Variants in CATSPERG observed in about 807,000 individuals in gnomAD.
The protein encoded by CATSPERG is catsper channel auxiliary subunit gamma.
Under a neutral mutation model 145.0 loss-of-function variants are expected in CATSPERG, and 115 were observed. That is an observed-to-expected ratio of 0.79 (90% confidence interval 0.68 to 0.93). The LOEUF (loss-of-function observed/expected upper bound fraction) is 0.93. CATSPERG is among the 40% of genes least tolerant of loss of function. The probability of loss-of-function intolerance (pLI) is 0.00; values close to 1 mark genes in which losing one functional copy is unlikely to be tolerated. For missense variants in CATSPERG, 1,296 were observed against 1,490.1 expected (o/e 0.87, Z 2.14); for synonymous variants, 588 against 589.0 (o/e 1.00, Z 0.02).
At chr19:38,353,978 A>G (rs2145087915) in intron 8 of CATSPERG, among the ~76,000 whole-genome samples, 2 of 139,906 alleles carry the variant, frequency 1.4e-5, no homozygotes, top group East Asian at 2.3e-4. Flanking sequence ...GCGACAGAGT[A>G]AGACTCTGTC....
intron 2 of CATSPERG, 29 bp downstream of exon 2, chr19:38,337,533 A>G: frequency 6.4e-7 from 1 of 1,551,970 alleles, no homozygotes. Context: ...AGTGAACCAG[A>G]GGGATTTTGA....
chr19:38,369,710 C>G, intron 26 of CATSPERG: 1 of 530,488 alleles, frequency 1.9e-6, no homozygotes, highest in South Asian at 2.0e-5. Flanking sequence ...GATACACAGC[C>G]TGTAATCTGG....
At chr19:38,356,400 A>C in intron 9 of CATSPERG, 84 bp from the exon 10 acceptor site, 1 of 1,226,758 alleles carries the variant, frequency 8.2e-7, no homozygotes, top group Non-Finnish European at 1.2e-6. Context: ...GCTGGTGGGC[A>C]TAAGGAGGGC....
At position 38,354,837 on chromosome 19, in the gene CATSPERG, G is replaced by A. The variant is rs1301517481; in HGVS notation, c.1125G>A (p.Gly375=). ...AGCATGAGGGTTATGTACACTTCGG[G>A]ACCATCAGAGGTAAGGGTGTGGGCC... ...TGKHEGYVHF[G]TIRDGQVSFE... is the part of the protein sequence containing the mutation. Residue 375 remains glycine, a synonymous_variant, in exon 9 of 29, where the codon GGG becomes GGA. Transcript: ENST00000409235. 1.2e-6 allele frequency: 2 copies of A among 1,613,914 alleles called. No homozygotes were observed. Among genetic ancestry groups the A allele is most frequent in the Non-Finnish European group, 1.7e-6 (2 of 1,179,988 alleles).
intron 11 of CATSPERG, among the ~76,000 whole-genome samples, 153 bp downstream of exon 11, chr19:38,357,014 A>T (rs548961894): frequency 6.6e-6 from 1 of 152,260 alleles, no homozygotes; most frequent in South Asian, 2.1e-4. Flanking sequence ...GGAGAACAGG[A>T]TATAGGCTTG....
rs760186203 is a variant in CATSPERG at position 38,362,194 on chromosome 19, C to T, written c.2095-16C>T. The T allele has an allele frequency of 3.2e-6, 5 of 1,574,386 alleles. No homozygotes were observed. Among genetic ancestry groups the T allele is most frequent in the Middle Eastern group, 2.0e-4 (1 of 5,044 alleles). On this transcript the variant is annotated splice_polypyrimidine_tract_variant and intron_variant, in intron 17 of 28. Coordinates refer to ENST00000409235, the MANE Select transcript of CATSPERG (RefSeq NM_021185.5). ...CCGCTGCCCAATCCCTTCACGGTGC[C>T]GGGCGATCCCTGCAGCCGTACGCGG...
In CATSPERG at chr19:38,346,526, T is replaced by C. The variant is rs780691154; in HGVS notation, c.746T>C (p.Val249Ala). ...TGGCACACTGTGGACCAGTCACCTG[T>C]GCTTATCCTGGGAGGCATTCCCAAT... ...PLWHTVDQSPVLILGGIPNEK... is the reference protein window; with the variant it reads ...PLWHTVDQSPALILGGIPNEK... Residue 249 changes from valine (V) to alanine (A), a missense_variant, in exon 7 of 29, where the codon GTG (valine) becomes GCG (alanine). Physicochemically the swap from Val to Ala is moderately conservative, Grantham distance 64. Transcript: ENST00000409235. 14 of 1,551,648 alleles carry C rather than the reference T, an allele frequency of 9.0e-6. No individual in the cohort carries two copies. The highest frequency in any genetic ancestry group is 5.2e-6 in the Non-Finnish European group (6 of 1,146,944).
Position 38,338,395 on chromosome 19 carries a change from G to A in CATSPERG, c.324+749G>A, listed in dbSNP as rs151202624. Among the ~76,000 whole-genome samples, 678 of 152,172 alleles carry A rather than the reference G, an allele frequency of 4.5e-3. 6 individuals carry two copies. The highest frequency in any genetic ancestry group is 0.015 in the African/African-American group (636 of 41,502). On this transcript the variant is annotated intron_variant, in intron 3 of 28. Transcript: ENST00000409235. ...GATCTCCTGACCTCGTGATCCGCCCGCCTCGGCCTCCTAGAGTGCTGGGAT... is the reference window on the plus strand; with the variant it reads ...GATCTCCTGACCTCGTGATCCGCCCACCTCGGCCTCCTAGAGTGCTGGGAT...
chr19:38,366,334 A>G (rs925832181), intron 22 of CATSPERG: 2 of 152,270 alleles, frequency 1.3e-5, no homozygotes, highest in African/African-American at 4.8e-5. Flanking sequence ...TGGGCAGTCA[A>G]AAGGGGTTGT....
chr19:38,337,285 AGTC>A lies in CATSPERG; in HGVS notation c.54_56del (p.Val19del). On this transcript the variant is annotated inframe_deletion, in exon 2 of 29. Coordinates refer to ENST00000409235, the MANE Select transcript of CATSPERG (RefSeq NM_021185.5). ...CCGGTCCTCCGTGGCCCAGAGTCCG[AGTC>A]GTGCAGGTGCTGTGGGCCCTGCTGG... 6.4e-7 allele frequency: 1 copy of A among 1,551,452 alleles called. No homozygotes were observed. Among genetic ancestry groups the A allele is most frequent in the African/African-American group, 1.4e-5 (1 of 73,144 alleles).
In CATSPERG at chr19:38,351,524, C is replaced by T. The variant is rs747989370; in HGVS notation, c.826-737C>T. On this transcript the variant is annotated intron_variant, in intron 7 of 28. Transcript: ENST00000409235. Reference sequence around the variant, plus strand: ...TCGGGAAGCTGAGGCAGGAGAATGGCGTGAACCCGGGAGGCGGAGCTTGCA... The same window carrying T: ...TCGGGAAGCTGAGGCAGGAGAATGGTGTGAACCCGGGAGGCGGAGCTTGCA... 3.0e-4 allele frequency among the ~76,000 whole-genome samples: 45 copies of T among 151,600 alleles called. 1 individual carries two copies. Among genetic ancestry groups the T allele is most frequent in the Admixed American group, 1.3e-4 (2 of 15,196 alleles).
intron 26 of CATSPERG, among the ~76,000 whole-genome samples, chr19:38,368,889 C>G (rs1022480016): frequency 2.0e-5 from 3 of 152,210 alleles, no homozygotes; most frequent in Non-Finnish European, 4.4e-5. Flanking sequence ...TCTTGAACTC[C>G]TGACCTCAGG....
Position 38,370,801 on chromosome 19 carries a change from C to T in CATSPERG, c.*9C>T, listed in dbSNP as rs773783287. On this transcript the variant is annotated 3_prime_UTR_variant, in exon 29 of 29. Transcript: ENST00000409235. Reference sequence around the variant, plus strand: ...GACAGTTGATGACCTGAGTGTCCCACCTGCCCCAGCCCCCAGTTACTGTCA... The same window carrying T: ...GACAGTTGATGACCTGAGTGTCCCATCTGCCCCAGCCCCCAGTTACTGTCA... The T allele has an allele frequency of 6.2e-7, 1 of 1,610,178 alleles. No homozygotes were observed. The highest frequency in any genetic ancestry group is 1.1e-5 in the South Asian group (1 of 91,038).
At chr19:38,354,968 G>A (rs1970217335) in intron 9 of CATSPERG, 121 bp downstream of exon 9, 6 of 1,136,926 alleles carry the variant, frequency 5.3e-6, no homozygotes, top group Non-Finnish European at 5.0e-6. Context: ...CTAGGCTGAG[G>A]GTGATGGTGG....
At position 38,346,464 on chromosome 19, in the gene CATSPERG, G is replaced by GC. The variant is rs1970043872; in HGVS notation, c.688dup (p.Gln230ProfsTer29). ...CTCCTTGGCAGCTCTTCAACCTGAT[G>GC]CCCCAGTACTTTGTGGGTGTCTCAT... is the stretch of plus-strand genomic sequence containing the variant. On this transcript the variant is annotated frameshift_variant, in exon 7 of 29. Transcript: ENST00000409235. LOFTEE classifies it high-confidence loss of function. 1 of 1,543,020 alleles carries GC rather than the reference G, an allele frequency of 6.5e-7. No homozygotes were observed. Among genetic ancestry groups the GC allele is most frequent in the African/African-American group, 1.4e-5 (1 of 72,886 alleles).
At chr19:38,355,294 G>A (rs112153627) in intron 9 of CATSPERG, among the ~76,000 whole-genome samples, 4 of 151,972 alleles carry the variant, frequency 2.6e-5, no homozygotes, top group African/African-American at 7.3e-5. Flanking sequence ...GCAGTGAGCC[G>A]AGATTGCACC....
intron 9 of CATSPERG, 133 bp from the exon 10 acceptor site, chr19:38,356,351 T>TG: frequency 1.4e-6 from 1 of 717,726 alleles, no homozygotes; most frequent in Non-Finnish European, 2.4e-6. Context: ...CAGGTGTGAG[T>TG]GACGAAAGGC....
intron 7 of CATSPERG, 114 bp from the exon 8 acceptor site, chr19:38,352,147 C>A: frequency 1.9e-6 from 2 of 1,036,382 alleles, no homozygotes; most frequent in Non-Finnish European, 2.8e-6. Context: ...CGCCCTGGGG[C>A]AGCTACATGT....
At position 38,365,118 on chromosome 19, in the gene CATSPERG, G is replaced by A. The variant is rs1456152598; in HGVS notation, c.2613+1G>A. ...AACACACCTGGGGCCCCATATGCAAGTATTGGAGCTTGGGATACTGGGCCC... is the reference window on the plus strand; with the variant it reads ...AACACACCTGGGGCCCCATATGCAAATATTGGAGCTTGGGATACTGGGCCC... On this transcript the variant is annotated splice_donor_variant, in intron 22 of 28. Transcript: ENST00000409235. LOFTEE classifies it high-confidence loss of function. 2 of 1,613,450 alleles carry A rather than the reference G, an allele frequency of 1.2e-6. No homozygotes were observed. The highest frequency in any genetic ancestry group is 2.2e-5 in the South Asian group (2 of 91,038).
Sources: gnomAD v4.1 joint callset for allele counts (sites outside exome capture counted in the v4.1 genomes callset) on GRCh38, gnomAD v4.1.1 for gene constraint, MANE v1.5 for transcripts, NCBI Gene and HGNC (gene_info 2026-07-23, HGNC 2026-07-21) for gene names.